The following CHN1 variants were observed in gnomAD, a reference collection of about 807,000 sequenced individuals.
CHN1 encodes N-chimaerin.
Under a neutral mutation model 59.5 loss-of-function variants are expected in CHN1, and 37 were observed. That is an observed-to-expected ratio of 0.62 (90% CI 0.48 to 0.82). CHN1 has a LOEUF of 0.82. CHN1 is among the 40% of genes least tolerant of loss of function. The pLI, the probability that CHN1 is intolerant of heterozygous loss-of-function variation, is 0.00. For synonymous variants in CHN1, 206 were observed against 200.4 expected (o/e 1.03, Z -0.24); for missense variants, 469 against 571.0 (o/e 0.82, Z 1.82).
chr2:174,925,226 C>T (rs959460472), intron 3 of CHN1, among the ~76,000 whole-genome samples: 6 of 152,090 alleles, frequency 3.9e-5, no homozygotes, highest in Non-Finnish European at 8.8e-5. Context: ...CATACCCCCG[C>T]CTTTTGGTGT....
intron 5 of CHN1, among the ~76,000 whole-genome samples, chr2:174,908,575 C>T (rs1688604955): frequency 6.6e-6 from 1 of 152,184 alleles, no homozygotes; most frequent in Admixed American, 6.5e-5. Flanking sequence ...TGCTGTTCTA[C>T]ATTCCGGCAC....
intron 5 of CHN1, among the ~76,000 whole-genome samples, chr2:174,896,263 A>G (rs1688215521): frequency 6.6e-6 from 1 of 152,264 alleles, no homozygotes; most frequent in Admixed American, 6.5e-5. Context: ...TAGATATGCT[A>G]AAGATTACAC....
chr2:174,943,871 T>A (rs1689746692), intron 3 of CHN1, among the ~76,000 whole-genome samples: 1 of 152,214 alleles, frequency 6.6e-6, no homozygotes, highest in African/African-American at 2.4e-5. Context: ...TTGCCCAGGC[T>A]GGTCTTGAAC....
rs1481950660 is a variant in CHN1, at chr2:174,915,044, G to A, written c.260+14C>T. On this transcript the variant is annotated intron_variant, in intron 5 of 12. Coordinates refer to ENST00000409900, the MANE Select transcript of CHN1 (RefSeq NM_001822.7). ...TAAATAAAGCACAGTAGTAATTGCA[G>A]GCCCATGACCAACCTTAAAGCCAAA... The A allele has an allele frequency of 7.8e-6, 12 of 1,547,688 alleles. No individual in the cohort carries two copies. The highest frequency in any genetic ancestry group is 9.8e-6 in the Non-Finnish European group (11 of 1,127,134).
chr2:174,939,542 G>A lies in CHN1; in HGVS notation c.114+5346C>T, dbSNP rs559810652. On this transcript the variant is annotated intron_variant, in intron 3 of 12. Coordinates refer to ENST00000409900, the MANE Select transcript of CHN1 (RefSeq NM_001822.7). The stretch of plus-strand genomic sequence containing the variant: ...GAGGTCTCAAATTATTTTAAGAAAG[G>A]AATAATATAGCTATTTTTCAACAAA... 4.3e-4 allele frequency among the ~76,000 whole-genome samples: 66 copies of A among 152,036 alleles called. 1 individual carries two copies. The highest frequency in any genetic ancestry group is 2.1e-4 in the South Asian group (1 of 4,798).
At chr2:174,889,968 A>G (rs1394127229) in intron 5 of CHN1, among the ~76,000 whole-genome samples, 3 of 151,358 alleles carry the variant, frequency 2.0e-5, no homozygotes, top group African/African-American at 7.4e-5. Context: ...AAACCATATC[A>G]ATAAAAAAAC....
intron 5 of CHN1, among the ~76,000 whole-genome samples, chr2:174,908,536 C>T (rs1031208517): frequency 6.6e-6 from 1 of 152,208 alleles, no homozygotes; most frequent in Non-Finnish European, 1.5e-5. Context: ...CCCAGTCCCT[C>T]AGCAGACTGC....
chr2:174,852,436 C>A (rs904016957), intron 6 of CHN1, among the ~76,000 whole-genome samples: 2 of 152,054 alleles, frequency 1.3e-5, no homozygotes, highest in African/African-American at 4.8e-5. Flanking sequence ...AAAGATGACA[C>A]AAATAAATGG....
At chr2:174,816,554 G>C (rs902601660) in intron 8 of CHN1, among the ~76,000 whole-genome samples, 2 of 152,182 alleles carry the variant, frequency 1.3e-5, no homozygotes, top group Non-Finnish European at 2.9e-5. Context: ...CTGCCAGGTG[G>C]CATTTATGGT....
intron 5 of CHN1, among the ~76,000 whole-genome samples, chr2:174,883,066 C>T (rs1687782346): frequency 6.6e-6 from 1 of 152,140 alleles, no homozygotes; most frequent in Non-Finnish European, 1.5e-5. Flanking sequence ...AAATCATTTT[C>T]AGTGAAGAAG....
chr2:174,986,936 C>T (rs548101710), intron 1 of CHN1, among the ~76,000 whole-genome samples: 28 of 151,996 alleles, frequency 1.8e-4, no homozygotes, highest in Admixed American at 3.9e-4. Context: ...CAGGGTTTCA[C>T]TGTGTTAGCC....
intron 5 of CHN1, among the ~76,000 whole-genome samples, chr2:174,889,212 A>G (rs2105345109): frequency 6.6e-6 from 1 of 152,316 alleles, no homozygotes; most frequent in South Asian, 2.1e-4. Flanking sequence ...ATCTCTACAC[A>G]GGTTAATTCA....
chr2:174,974,094 G>A (rs560088676), intron 1 of CHN1, among the ~76,000 whole-genome samples: 5 of 152,000 alleles, frequency 3.3e-5, no homozygotes, highest in Non-Finnish European at 5.9e-5. Context: ...TCAAAATACC[G>A]TGACAATGCC....
At position 174,799,022 on chromosome 2, in the gene CHN1, C is replaced by T. The variant is rs1684631400; in HGVS notation, c.*1094G>A. On this transcript the variant is annotated 3_prime_UTR_variant, in exon 13 of 13. Transcript: ENST00000409900. ...AGCCACCAGGTTGGCCTCTGGGGCT[C>T]ATCTCTCAGGCAGCATTGTCAGCTC... is the stretch of plus-strand genomic sequence containing the variant. Among the ~76,000 whole-genome samples the T allele has an allele frequency of 6.6e-6, 1 of 152,218 alleles. No individual in the cohort carries two copies. Among genetic ancestry groups the T allele is most frequent in the African/African-American group, 2.4e-5 (1 of 41,446 alleles).
At chr2:174,991,158 G>A (rs879765633) in intron 1 of CHN1, among the ~76,000 whole-genome samples, 1 of 152,158 alleles carries the variant, frequency 6.6e-6, no homozygotes, top group Non-Finnish European at 1.5e-5. Flanking sequence ...GTTTTTAAGT[G>A]GAGGACTAAT....
chr2:174,920,172 G>A (rs774181752), intron 3 of CHN1, among the ~76,000 whole-genome samples: 1 of 151,986 alleles, frequency 6.6e-6, no homozygotes, highest in African/African-American at 2.4e-5. Context: ...ATACTGAAAT[G>A]GAATATACAG....
chr2:175,004,835 G>C, intron 1 of CHN1, 59 bp downstream of exon 1: 2 of 1,153,730 alleles, frequency 1.7e-6, no homozygotes, highest in African/African-American at 1.7e-5. Flanking sequence ...CCAGGCCCCC[G>C]CCCCCGAGCC....
At chr2:174,941,768 A>C (rs1689673794) in intron 3 of CHN1, among the ~76,000 whole-genome samples, 1 of 152,080 alleles carries the variant, frequency 6.6e-6, no homozygotes, top group African/African-American at 2.4e-5. Context: ...ACAGGATCTC[A>C]CCATGTTGCC....
chr2:174,967,278 C>G (rs1158928266), intron 1 of CHN1, among the ~76,000 whole-genome samples: 24 of 151,994 alleles, frequency 1.6e-4, no homozygotes, highest in Admixed American at 1.4e-3. Flanking sequence ...ATTGCTCGAG[C>G]CAGGAAGGTC....
Sources: allele counts gnomAD v4.1 joint callset (sites outside exome capture counted in the v4.1 genomes callset), GRCh38; gene constraint gnomAD v4.1.1; transcripts MANE v1.5; gene names NCBI Gene and HGNC (gene_info 2026-07-23, HGNC 2026-07-21).